The following CRPPA variants were observed in gnomAD, a reference collection of about 807,000 sequenced individuals.
The protein encoded by CRPPA is D-ribitol-5-phosphate cytidylyltransferase.
A neutral mutation model predicts 52.0 loss-of-function variants in CRPPA; 43 were observed. That is an observed-to-expected ratio of 0.83 (90% CI 0.65 to 1.07). The LOEUF (loss-of-function observed/expected upper bound fraction) is 1.07. Ranked by LOEUF, CRPPA falls within the 50% of genes least tolerant of loss-of-function variation. The pLI is 0.00. For missense variants in CRPPA, 629 were observed against 551.7 expected (o/e 1.14, Z -1.40); for synonymous variants, 250 against 203.5 (o/e 1.23, Z -1.94).
chr7:16,327,787 C>A (rs1336716215), intron 3 of CRPPA, among the ~76,000 whole-genome samples: 2 of 152,038 alleles, frequency 1.3e-5, no homozygotes, highest in African/African-American at 4.8e-5. Flanking sequence ...AATATAGGCA[C>A]TGAAGGGGGA....
At chr7:16,209,777 A>G (rs1013549487) in intron 9 of CRPPA, among the ~76,000 whole-genome samples, 1 of 152,240 alleles carries the variant, frequency 6.6e-6, no homozygotes, top group Non-Finnish European at 1.5e-5. Context: ...TCATTTCATT[A>G]GATTTTTTAA....
intron 2 of CRPPA, among the ~76,000 whole-genome samples, chr7:16,392,315 C>A (rs1248113965): frequency 6.6e-6 from 1 of 152,108 alleles, no homozygotes; most frequent in African/African-American, 2.4e-5. Flanking sequence ...GTCAGCCTTA[C>A]AAAATGGCAG....
intron 3 of CRPPA, among the ~76,000 whole-genome samples, chr7:16,313,532 A>G (rs10245613): frequency 0.021 from 3,239 of 151,966 alleles, 109 homozygotes; most frequent in African/African-American, 0.072. Context: ...CCTATTATCA[A>G]TTTCATCTAT....
chr7:16,258,334 T>G, intron 8 of CRPPA, 56 bp downstream of exon 8: 3 of 1,079,318 alleles, frequency 2.8e-6, no homozygotes, highest in Non-Finnish European at 2.7e-6. Flanking sequence ...ATATGTACAT[T>G]GAGTTACAAA....
intron 9 of CRPPA, among the ~76,000 whole-genome samples, chr7:16,192,599 C>G (rs894277884): frequency 6.6e-6 from 1 of 152,084 alleles, no homozygotes; most frequent in Non-Finnish European, 1.5e-5. Flanking sequence ...TTTGCCTGTT[C>G]TAGAACTTCA....
chr7:16,378,795 T>A (rs904302266), intron 2 of CRPPA, among the ~76,000 whole-genome samples: 4 of 152,142 alleles, frequency 2.6e-5, no homozygotes, highest in African/African-American at 9.7e-5. Context: ...TTTTTAATGA[T>A]TGCCATTCTA....
At chr7:16,312,193 T>A (rs923883686) in intron 3 of CRPPA, among the ~76,000 whole-genome samples, 1 of 151,950 alleles carries the variant, frequency 6.6e-6, no homozygotes, top group Non-Finnish European at 1.5e-5. Flanking sequence ...TGCATCAAAT[T>A]TGTAGATCAC....
intron 3 of CRPPA, among the ~76,000 whole-genome samples, chr7:16,346,235 G>A (rs1022115583): frequency 6.6e-6 from 1 of 151,950 alleles, no homozygotes; most frequent in Non-Finnish European, 1.5e-5. Context: ...AAGGATAAAG[G>A]TAACAGACAA....
chr7:16,288,331 A>T (rs1784491080), intron 5 of CRPPA, among the ~76,000 whole-genome samples: 1 of 152,140 alleles, frequency 6.6e-6, no homozygotes, highest in South Asian at 2.1e-4. Context: ...TCAAGCCAGT[A>T]ACAACTATCA....
intron 5 of CRPPA, among the ~76,000 whole-genome samples, chr7:16,288,577 G>T (rs1159499349): frequency 6.6e-6 from 1 of 151,796 alleles, no homozygotes; most frequent in East Asian, 1.9e-4. Flanking sequence ...TGGGCACAGT[G>T]GCTCACACCT....
intron 9 of CRPPA, among the ~76,000 whole-genome samples, chr7:16,165,454 G>A (rs1781037269): frequency 6.6e-6 from 1 of 152,108 alleles, no homozygotes; most frequent in Non-Finnish European, 1.5e-5. Context: ...TATAAAATAT[G>A]TTCAGTTATC....
chr7:16,139,766 A>T (rs552401312), intron 9 of CRPPA, among the ~76,000 whole-genome samples: 3 of 152,330 alleles, frequency 2.0e-5, no homozygotes, highest in Admixed American at 2.0e-4. Context: ...CTCTTGAATT[A>T]CCCAGGCTCA....
At chr7:16,218,323 G>A in intron 8 of CRPPA, among the ~76,000 whole-genome samples, 1 of 129,164 alleles carries the variant, frequency 7.7e-6, no homozygotes, top group South Asian at 2.9e-4. Flanking sequence ...ACCGGTACCA[G>A]CCGCTGCAAA....
intron 5 of CRPPA, among the ~76,000 whole-genome samples, chr7:16,282,049 G>C (rs987184883): frequency 3.9e-5 from 6 of 151,966 alleles, no homozygotes; most frequent in Non-Finnish European, 7.4e-5. Flanking sequence ...TAGTTTATGA[G>C]TTCTTAACAT....
At chr7:16,240,887 A>G (rs17169365) in intron 8 of CRPPA, among the ~76,000 whole-genome samples, 3,207 of 152,314 alleles carry the variant, frequency 0.021, 122 homozygotes, top group African/African-American at 0.072. Context: ...ACCCTCTATG[A>G]AGCTAAAGTA....
chr7:16,171,790 T>A (rs1224637066), intron 9 of CRPPA, among the ~76,000 whole-genome samples: 1 of 152,158 alleles, frequency 6.6e-6, no homozygotes, highest in Non-Finnish European at 1.5e-5. Context: ...AGACTCTGTC[T>A]CAAAAATAAG....
chr7:16,258,708 C>A (rs1213775117), intron 7 of CRPPA, among the ~76,000 whole-genome samples: 1 of 151,944 alleles, frequency 6.6e-6, no homozygotes, highest in Non-Finnish European at 1.5e-5. Context: ...GGACCAGGTA[C>A]AAACAAAATT....
intron 2 of CRPPA, among the ~76,000 whole-genome samples, chr7:16,377,896 A>C (rs1012225620): frequency 1.3e-5 from 2 of 151,940 alleles, no homozygotes; most frequent in Non-Finnish European, 2.9e-5. Flanking sequence ...CATAGTTCCC[A>C]CCCATGCCCC....
chr7:16,138,595 A>C (rs1782805417), intron 9 of CRPPA, among the ~76,000 whole-genome samples: 1 of 152,172 alleles, frequency 6.6e-6, no homozygotes, highest in Admixed American at 6.5e-5. Flanking sequence ...CCAAAGCATA[A>C]AAACAGGGAA....
Sources: allele counts gnomAD v4.1 joint callset (sites outside exome capture counted in the v4.1 genomes callset), GRCh38; gene constraint gnomAD v4.1.1; transcripts MANE v1.5; gene names NCBI Gene and HGNC (gene_info 2026-07-23, HGNC 2026-07-21).